The following SCNN1B variants were observed in gnomAD, a reference collection of about 807,000 sequenced individuals.
SCNN1B encodes the protein sodium channel epithelial 1 subunit beta.
Under a neutral mutation model 65.3 loss-of-function variants are expected in SCNN1B, and 46 were observed. The ratio of observed to expected loss-of-function variants is 0.70; its 90% CI spans 0.56 to 0.90. The LOEUF is 0.90. SCNN1B is among the 40% of genes least tolerant of loss of function. SCNN1B has a pLI of 0.00. For synonymous variants in SCNN1B, 349 were observed against 330.6 expected (o/e 1.06, Z -0.60); for missense variants, 751 against 830.5 (o/e 0.90, Z 1.18).
At chr16:23,361,093 G>A (rs916419985) in intron 4 of SCNN1B, among the ~76,000 whole-genome samples, 23 of 151,484 alleles carry the variant, frequency 1.5e-4, no homozygotes, top group East Asian at 3.9e-4. Flanking sequence ...TGTGCCCAGC[G>A]TAAATTTTGT....
rs1223701346 is a variant in SCNN1B, at chr16:23,374,268, G to GAAAA, written c.1153-1452_1153-1449dup. ...GCAACAGAGTGAGACCCTGTCTCAG[G>GAAAA]AAAAAAAAAAAAAAAAAAAAAGAGG... On this transcript the variant is annotated intron_variant, in intron 7 of 12. Coordinates refer to ENST00000343070, the MANE Select transcript of SCNN1B (RefSeq NM_000336.3). Among the ~76,000 whole-genome samples, 67 of 60,446 alleles carry GAAAA rather than the reference G, an allele frequency of 1.1e-3. 3 individuals are homozygous for GAAAA. Among genetic ancestry groups the GAAAA allele is most frequent in the East Asian group, 6.6e-3 (9 of 1,372 alleles). The allele number at this position is 60,446 out of a possible 152,430, so 39.7% of individuals were successfully genotyped here.
At chr16:23,322,340 A>C (rs544253230) in intron 1 of SCNN1B, among the ~76,000 whole-genome samples, 4 of 152,068 alleles carry the variant, frequency 2.6e-5, no homozygotes, top group Non-Finnish European at 4.4e-5. Flanking sequence ...TCACTCTATC[A>C]CCTAGGCTAG....
intron 1 of SCNN1B, among the ~76,000 whole-genome samples, chr16:23,320,178 A>T (rs1961558057): frequency 6.6e-6 from 1 of 152,196 alleles, no homozygotes; most frequent in Non-Finnish European, 1.5e-5. Flanking sequence ...GCTGGTTCTG[A>T]TGCCCTACTT....
intron 1 of SCNN1B, among the ~76,000 whole-genome samples, chr16:23,280,203 C>G (rs1398746807): frequency 1.3e-5 from 2 of 151,808 alleles, no homozygotes; most frequent in Non-Finnish European, 2.9e-5. Context: ...AGGGAAGTAT[C>G]ATTTTTATTT....
Position 23,378,696 on chromosome 16 carries a change from T to C in SCNN1B, c.1405-10T>C. On this transcript the variant is annotated splice_polypyrimidine_tract_variant and intron_variant, in intron 10 of 12. Transcript: ENST00000343070. ...ATGGCAACTTTTGCAACCACCTTCTTGGGTTCCAGGACTGGATTTTCCACG... is the reference window on the plus strand; with the variant it reads ...ATGGCAACTTTTGCAACCACCTTCTCGGGTTCCAGGACTGGATTTTCCACG... The C allele has an allele frequency of 6.2e-7, 1 of 1,614,086 alleles. No homozygotes were observed. Among genetic ancestry groups the C allele is most frequent in the South Asian group, 1.1e-5 (1 of 91,082 alleles).
In SCNN1B at chr16:23,316,753, C is replaced by G. The variant is rs577702201; in HGVS notation, c.-9+14316C>G. 1.8e-4 allele frequency among the ~76,000 whole-genome samples: 27 copies of G among 149,458 alleles called. No individual in the cohort carries two copies. The South Asian group carries it at 5.0e-3, about 28-fold the overall frequency. On this transcript the variant is annotated intron_variant, in intron 1 of 12. Transcript: ENST00000343070. ...TCTCCTCTGTCATCACTGTCACCAT[C>G]CTCACCATCATCACCATCACCATCA...
At chr16:23,359,995 G>C (rs963879417) in intron 4 of SCNN1B, among the ~76,000 whole-genome samples, 2 of 152,018 alleles carry the variant, frequency 1.3e-5, no homozygotes, top group Non-Finnish European at 2.9e-5. Context: ...CTGAGGTCAG[G>C]AGTTTGAGAC....
chr16:23,380,835 C>T lies in SCNN1B; in HGVS notation c.*34C>T. The T allele has an allele frequency of 6.2e-7, 1 of 1,610,284 alleles. No homozygotes were observed. On this transcript the variant is annotated 3_prime_UTR_variant, in exon 13 of 13. Transcript: ENST00000343070. This position sits in a 1 kb window ranked among gnomAD's most constrained non-coding sequence, Gnocchi z 5.4. ...CTGCCCACCCCGGGCGGCTGAAACTCACTGAGCAGCCAAGACTGTTGCCCG... is the reference window on the plus strand; with the variant it reads ...CTGCCCACCCCGGGCGGCTGAAACTTACTGAGCAGCCAAGACTGTTGCCCG...
chr16:23,315,107 C>T (rs1358965597), intron 1 of SCNN1B, among the ~76,000 whole-genome samples: 3 of 152,070 alleles, frequency 2.0e-5, no homozygotes, highest in Non-Finnish European at 2.9e-5. Context: ...GAGGCCAAGG[C>T]GGGCGGATCA....
At chr16:23,360,879 C>G (rs1283108630) in intron 4 of SCNN1B, among the ~76,000 whole-genome samples, 1 of 152,098 alleles carries the variant, frequency 6.6e-6, no homozygotes, top group Non-Finnish European at 1.5e-5. Flanking sequence ...ACCACAAGCT[C>G]CGCCTCCCGG....
upstream of SCNN1B, chr16:23,302,247 A>AGCTCCACCCGCGGGC (rs1961099568): frequency 6.6e-6 from 1 of 152,222 alleles, no homozygotes; most frequent in Non-Finnish European, 1.5e-5. Context: ...GCGCCCAGTA[A>AGCTCCACCCGCGGGC]GCTCCACCCG....
At chr16:23,321,803 G>A (rs1231622665) in intron 1 of SCNN1B, among the ~76,000 whole-genome samples, 3 of 152,192 alleles carry the variant, frequency 2.0e-5, no homozygotes, top group Non-Finnish European at 1.5e-5. Flanking sequence ...CAAGAGAATC[G>A]CTTGAGTCCA....
chr16:23,315,077 C>T (rs1468665011), intron 1 of SCNN1B, among the ~76,000 whole-genome samples: 1 of 152,234 alleles, frequency 6.6e-6, no homozygotes, highest in African/African-American at 2.4e-5. Context: ...TGGCTCAAGC[C>T]TGTAATCCCA....
intron 2 of SCNN1B, among the ~76,000 whole-genome samples, chr16:23,289,780 A>G (rs1390551978): frequency 6.7e-6 from 1 of 149,392 alleles, no homozygotes. Context: ...GATTCAAGCG[A>G]TTCTCCTGCC....
At chr16:23,335,712 G>T (rs941413014) in intron 1 of SCNN1B, among the ~76,000 whole-genome samples, 9 of 151,700 alleles carry the variant, frequency 5.9e-5, no homozygotes, top group African/African-American at 1.5e-4. Context: ...CTCCCAAAGT[G>T]CTGGGATTAT....
chr16:23,340,767 C>T (rs983847796), intron 1 of SCNN1B, among the ~76,000 whole-genome samples: 5 of 152,154 alleles, frequency 3.3e-5, no homozygotes, highest in Middle Eastern at 3.2e-3. Flanking sequence ...ATCCAATGAT[C>T]GGTAGATCTA....
intron 7 of SCNN1B, chr16:23,372,327 A>G (rs1962801965): frequency 3.8e-6 from 1 of 261,548 alleles, no homozygotes. Context: ...TAGCAGGGTT[A>G]CCATGTGTTA....
At chr16:23,365,821 A>AGGGGT (rs1962657848) in intron 4 of SCNN1B, among the ~76,000 whole-genome samples, 1 of 152,246 alleles carries the variant, frequency 6.6e-6, no homozygotes. Context: ...AGGAAACCCA[A>AGGGGT]GCTCAGAGGT....
chr16:23,298,172 T>G (rs1316661058), upstream of SCNN1B, among the ~76,000 whole-genome samples: 1 of 152,180 alleles, frequency 6.6e-6, no homozygotes, highest in Non-Finnish European at 1.5e-5. Context: ...ATTAACCCTT[T>G]CAGACGTGAA....
Sources: gnomAD v4.1 joint callset for allele counts (sites outside exome capture counted in the v4.1 genomes callset) on GRCh38, gnomAD v4.1.1 for gene constraint, Gnocchi (gnomAD v3.1) non-coding constraint, MANE v1.5 for transcripts, NCBI Gene and HGNC (gene_info 2026-07-23, HGNC 2026-07-21) for gene names.